LHFPL6: variants seen among roughly 807,000 people sequenced by gnomAD.
LHFPL6 encodes LHFPL tetraspan subfamily member 6 protein.
Under a neutral mutation model 20.6 loss-of-function variants are expected in LHFPL6, and 9 were observed. The observed-to-expected ratio is 0.44, with a 90% CI of 0.26 to 0.76. The LOEUF (loss-of-function observed/expected upper bound fraction) is 0.76. Ranked by LOEUF, LHFPL6 falls within the 30% of genes least tolerant of loss-of-function variation. The pLI is 0.20. For synonymous variants in LHFPL6, 105 were observed against 98.7 expected (o/e 1.06, Z -0.38); for missense variants, 218 against 253.5 (o/e 0.86, Z 0.95).
chr13:39,600,249 G>C (rs571682874), intron 2 of LHFPL6, among the ~76,000 whole-genome samples: 103 of 152,218 alleles, frequency 6.8e-4, no homozygotes, highest in African/African-American at 2.4e-3. Flanking sequence ...ACCTAACAAG[G>C]TAATTAAGTG....
At chr13:39,557,365 AGG>A (rs1387347676) in intron 2 of LHFPL6, among the ~76,000 whole-genome samples, 1 of 152,226 alleles carries the variant, frequency 6.6e-6, no homozygotes, top group East Asian at 1.9e-4. Flanking sequence ...GCAAGAGCGA[AGG>A]GGGCTTGGTG....
At chr13:39,452,289 C>T (rs551364331) in intron 2 of LHFPL6, among the ~76,000 whole-genome samples, 167 of 152,192 alleles carry the variant, frequency 1.1e-3, no homozygotes, top group Non-Finnish European at 1.7e-3. Context: ...AATCTTCAGC[C>T]GGTCCAGATT....
intron 2 of LHFPL6, among the ~76,000 whole-genome samples, chr13:39,475,518 A>G (rs1484237068): frequency 6.6e-6 from 1 of 152,148 alleles, no homozygotes; most frequent in East Asian, 1.9e-4. Flanking sequence ...TCAGAATACA[A>G]TGATTTAACA....
chr13:39,420,520 T>A (rs1018008751), intron 2 of LHFPL6, among the ~76,000 whole-genome samples: 7 of 152,106 alleles, frequency 4.6e-5, no homozygotes, highest in African/African-American at 9.7e-5. Flanking sequence ...TTAAAATACA[T>A]GAGTATAACC....
chr13:39,370,151 T>C (rs1870127904), intron 3 of LHFPL6, among the ~76,000 whole-genome samples: 1 of 152,176 alleles, frequency 6.6e-6, no homozygotes, highest in East Asian at 1.9e-4. Context: ...TATTGTTGCC[T>C]TGCGGGTGCC....
intron 2 of LHFPL6, among the ~76,000 whole-genome samples, chr13:39,430,213 T>C (rs1011058809): frequency 2.0e-5 from 3 of 152,220 alleles, no homozygotes; most frequent in African/African-American, 7.2e-5. Flanking sequence ...TAATGGTTGA[T>C]TTCTCAAAAC....
intron 2 of LHFPL6, among the ~76,000 whole-genome samples, chr13:39,428,786 C>T (rs1486823768): frequency 6.6e-6 from 1 of 152,066 alleles, no homozygotes; most frequent in African/African-American, 2.4e-5. Flanking sequence ...CACTTCTATT[C>T]TAATGGAGCA....
intron 3 of LHFPL6, among the ~76,000 whole-genome samples, chr13:39,353,593 T>G (rs549541168): frequency 6.6e-6 from 1 of 151,828 alleles, no homozygotes; most frequent in Admixed American, 6.5e-5. Flanking sequence ...CCAGGTGTGG[T>G]GTCATGCGCC....
Position 39,434,917 on chromosome 13 carries a change from G to A in LHFPL6, c.386-56391C>T, listed in dbSNP as rs534845493. On this transcript the variant is annotated intron_variant, in intron 2 of 3. Transcript: ENST00000379589. The stretch of plus-strand genomic sequence containing the variant: ...TAAAAATACAAAAAATTAGCCGGGC[G>A]CGGTGGCGGGCGCCTGTAGTCCCAG... 9.3e-3 allele frequency among the ~76,000 whole-genome samples: 1,411 copies of A among 151,552 alleles called. 23 individuals are homozygous for A. Among genetic ancestry groups the A allele is most frequent in the African/African-American group, 0.031 (1,301 of 41,334 alleles).
chr13:39,468,322 A>G (rs1872854702), intron 2 of LHFPL6, among the ~76,000 whole-genome samples: 1 of 152,168 alleles, frequency 6.6e-6, no homozygotes, highest in Non-Finnish European at 1.5e-5. Flanking sequence ...AACATTAAAC[A>G]GTTCCCTTTA....
At chr13:39,478,048 A>G (rs959305148) in intron 2 of LHFPL6, among the ~76,000 whole-genome samples, 1 of 152,214 alleles carries the variant, frequency 6.6e-6, no homozygotes, top group Non-Finnish European at 1.5e-5. Flanking sequence ...AAATCAAGAA[A>G]ATGTTCCAAA....
intron 2 of LHFPL6, among the ~76,000 whole-genome samples, chr13:39,546,357 T>C (rs957978132): frequency 6.6e-6 from 1 of 152,156 alleles, no homozygotes; most frequent in Non-Finnish European, 1.5e-5. Flanking sequence ...TGCCTACAAA[T>C]TGGAACTCAA....
At chr13:39,393,882 C>T (rs1211620673) in intron 2 of LHFPL6, among the ~76,000 whole-genome samples, 1 of 152,204 alleles carries the variant, frequency 6.6e-6, no homozygotes, top group Admixed American at 6.5e-5. Flanking sequence ...GGTATCCTCA[C>T]ACGGTCTTTC....
chr13:39,385,542 G>C (rs1870542914), intron 2 of LHFPL6, among the ~76,000 whole-genome samples: 1 of 152,226 alleles, frequency 6.6e-6, no homozygotes, highest in Admixed American at 6.5e-5. Flanking sequence ...CTACAGGAGC[G>C]TTCCTAGTAG....
At chr13:39,482,442 T>TAA (rs34693664) in intron 2 of LHFPL6, among the ~76,000 whole-genome samples, 22,325 of 147,130 alleles carry the variant, frequency 0.15, 2,439 homozygotes, top group African/African-American at 0.31. Context: ...GACCTTATCT[T>TAA]AAAAAAAAAA....
chr13:39,357,862 A>G (rs1869767987), intron 3 of LHFPL6, among the ~76,000 whole-genome samples: 2 of 152,314 alleles, frequency 1.3e-5, no homozygotes, highest in South Asian at 4.1e-4. Flanking sequence ...AAACAAACGG[A>G]AAAACATTCC....
At chr13:39,538,872 T>TCA (rs1870707532) in intron 2 of LHFPL6, among the ~76,000 whole-genome samples, 2 of 152,208 alleles carry the variant, frequency 1.3e-5, no homozygotes, top group Non-Finnish European at 2.9e-5. Context: ...ATATAAAATG[T>TCA]GATTTATTCA....
chr13:39,418,794 T>C (rs1177233245), intron 2 of LHFPL6, among the ~76,000 whole-genome samples: 6 of 152,212 alleles, frequency 3.9e-5, no homozygotes, highest in Admixed American at 2.6e-4. Context: ...TCTTCTACTC[T>C]AGTAATCTTT....
At chr13:39,601,922 C>A (rs897759374) in intron 1 of LHFPL6, among the ~76,000 whole-genome samples, 1 of 152,152 alleles carries the variant, frequency 6.6e-6, no homozygotes, top group East Asian at 1.9e-4. Flanking sequence ...TCTGCGGAGG[C>A]ACCCACAGTA....
Sources: allele counts gnomAD v4.1 joint callset (sites outside exome capture counted in the v4.1 genomes callset), GRCh38; gene constraint gnomAD v4.1.1; transcripts MANE v1.5; gene names NCBI Gene and HGNC (gene_info 2026-07-23, HGNC 2026-07-21).